The following TTK variants were observed in gnomAD, a reference collection of about 807,000 sequenced individuals.
The protein encoded by TTK is TTK protein kinase.
In TTK, 59 loss-of-function variants were observed where a neutral mutation model predicts 117.3. The observed-to-expected ratio is 0.50, with a 90% CI of 0.41 to 0.62. The LOEUF is 0.62. Ranked by LOEUF, TTK falls within the 20% of genes least tolerant of loss-of-function variation. The pLI, the probability that TTK is intolerant of heterozygous loss-of-function variation, is 0.00. For missense variants in TTK, 921 were observed against 989.4 expected, an observed-to-expected ratio of 0.93 and a Z score of 0.93; for synonymous variants, 302 against 325.0, an observed-to-expected ratio of 0.93 and a Z score of 0.76.
intron 8 of TTK, 48 bp downstream of exon 8, chr6:80,012,028 T>G: frequency 6.7e-7 from 1 of 1,481,830 alleles, no homozygotes; most frequent in Non-Finnish European, 9.1e-7. Context: ...ATGGGAAGAT[T>G]AATGGCAGAA....
intron 6 of TTK, 31 bp from the exon 7 acceptor site, chr6:80,011,698 G>C: frequency 6.2e-7 from 1 of 1,607,894 alleles, no homozygotes; most frequent in Non-Finnish European, 8.5e-7. Context: ...ATTGTTCTTT[G>C]AAAAATTGGG....
intron 13 of TTK, among the ~76,000 whole-genome samples, chr6:80,030,920 C>T (rs1344751305): frequency 6.6e-6 from 1 of 151,682 alleles, no homozygotes; most frequent in Admixed American, 6.6e-5. Context: ...TAGTGGCATG[C>T]CTGTAATCCC....
At chr6:80,011,585 C>CT in intron 6 of TTK, 37 bp downstream of exon 6, 1 of 1,568,156 alleles carries the variant, frequency 6.4e-7, no homozygotes, top group Non-Finnish European at 8.7e-7. Flanking sequence ...TGTTCATCTT[C>CT]TATGTAAGTA....
chr6:80,040,647 G>A lies in TTK; in HGVS notation c.2434G>A (p.Val812Ile), dbSNP rs773730783. The A allele has an allele frequency of 1.9e-6, 3 of 1,611,970 alleles. No individual in the cohort carries two copies. Among genetic ancestry groups the A allele is most frequent in the Non-Finnish European group, 2.5e-6 (3 of 1,178,612 alleles). Residue 812 changes from valine to isoleucine, a missense_variant, in exon 21 of 22, where the codon GTT becomes ATT. By Grantham distance (29) the Val-to-Ile change is conservative (BLOSUM62 3). Transcript: ENST00000369798. ...AKGTTEEMKYVLGQLVGLNSP... is the reference protein window; with the variant it reads ...AKGTTEEMKYILGQLVGLNSP... ...GGGAACCACTGAAGAAATGAAATAT[G>A]TTCTGGGCCAACTTGTTGGTCTGAA...
Position 80,011,800 on chromosome 6 carries a change from A to G in TTK, c.800A>G (p.Gln267Arg). 1 of 1,612,728 alleles carries G rather than the reference A, an allele frequency of 6.2e-7. No individual in the cohort carries two copies. The highest frequency in any genetic ancestry group is 8.5e-7 in the Non-Finnish European group (1 of 1,179,148). ...TTGAGACAAACTAACAAAACTAAAC[A>G]GGTAAGTTACTTTCAATCTGCTTGA... The part of the protein sequence containing the change: ...NSLRQTNKTK[Q>R]SCPFGRVPVN... Residue 267 changes from glutamine (Q) to arginine (R), a missense_variant and splice_region_variant, in exon 7 of 22, where the codon CAG becomes CGG. Gln to Arg is a conservative substitution (Grantham distance 43). Coordinates refer to ENST00000369798, the MANE Select transcript of TTK (RefSeq NM_003318.5).
chr6:80,041,730 T>A (rs1224715562), intron 21 of TTK, among the ~76,000 whole-genome samples: 1 of 150,992 alleles, frequency 6.6e-6, no homozygotes, highest in Non-Finnish European at 1.5e-5. Flanking sequence ...ATTTGTAATG[T>A]CTTCTATTTA....
chr6:80,007,716 A>G, intron 2 of TTK, 93 bp from the exon 3 acceptor site: 1 of 979,944 alleles, frequency 1.0e-6, no homozygotes, highest in Non-Finnish European at 1.5e-6. Flanking sequence ...TGATACTGAC[A>G]GTACAAATGT....
intron 16 of TTK, 54 bp from the exon 17 acceptor site, chr6:80,036,421 G>A: frequency 1.3e-6 from 2 of 1,527,950 alleles, no homozygotes; most frequent in Non-Finnish European, 1.8e-6. Context: ...TGAATTTTTT[G>A]GTCCTTAGAA....
rs747103890 is a variant in TTK at position 80,007,815 on chromosome 6, C to T, written c.146C>T (p.Ser49Leu). The T allele has an allele frequency of 2.5e-6, 4 of 1,607,994 alleles. No individual in the cohort carries two copies. Among genetic ancestry groups the T allele is most frequent in the South Asian group, 2.2e-5 (2 of 90,054 alleles). ...NKISADTTDN[S>L]GTVNQIMMMA... ...TTTTGTTCCCCTTATTTAGATAACT[C>T]GGGAACTGTTAACCAAATTATGATG... The change falls in exon 3 of 22, where the codon TCG becomes TTG. Residue 49 changes from serine to leucine, a missense_variant. Coordinates refer to ENST00000369798, the MANE Select transcript of TTK (RefSeq NM_003318.5).
intron 10 of TTK, among the ~76,000 whole-genome samples, chr6:80,018,698 T>G (rs1474412421): frequency 1.3e-5 from 2 of 152,112 alleles, no homozygotes; most frequent in East Asian, 3.8e-4. Flanking sequence ...CTATGCCTTG[T>G]TATAATTGCT....
In TTK at chr6:80,007,840, G is replaced by A. The variant is rs1767035103; in HGVS notation, c.171G>A (p.Met57Ile). 3.1e-6 allele frequency: 5 copies of A among 1,611,998 alleles called. No homozygotes were observed. Among genetic ancestry groups the A allele is most frequent in the African/African-American group, 2.7e-5 (2 of 74,850 alleles). ...DNSGTVNQIM[M>I]MANNPEDWLS... Reference sequence around the variant, plus strand: ...CGGGAACTGTTAACCAAATTATGATGATGGCAAACAACCCAGAGGACTGGT... The same window carrying A: ...CGGGAACTGTTAACCAAATTATGATAATGGCAAACAACCCAGAGGACTGGT... The change falls in exon 3 of 22, where the codon ATG (methionine) becomes ATA (isoleucine). Residue 57 changes from methionine to isoleucine, a missense_variant. Transcript: ENST00000369798.
chr6:80,019,490 CT>C (rs747377704), intron 10 of TTK, among the ~76,000 whole-genome samples: 47 of 152,286 alleles, frequency 3.1e-4, no homozygotes, highest in Admixed American at 1.0e-3. Context: ...TGAAAGTCCA[CT>C]ACAGGCATTT....
chr6:80,007,634 C>T (rs188093608), intron 2 of TTK, among the ~76,000 whole-genome samples, 175 bp from the exon 3 acceptor site: 10 of 151,828 alleles, frequency 6.6e-5, no homozygotes, highest in Admixed American at 2.0e-4. Context: ...GATAAATACA[C>T]GATAAATAAG....
At chr6:80,020,546 T>C (rs1441169285) in intron 10 of TTK, among the ~76,000 whole-genome samples, 1 of 152,214 alleles carries the variant, frequency 6.6e-6, no homozygotes, top group East Asian at 1.9e-4. Flanking sequence ...TAGTTAAAGA[T>C]TAACCATTTG....
intron 11 of TTK, among the ~76,000 whole-genome samples, chr6:80,025,083 A>G (rs1767570181): frequency 6.6e-6 from 1 of 152,110 alleles, no homozygotes; most frequent in East Asian, 1.9e-4. Context: ...TTCGTGTCTC[A>G]TGACCATTTC....
chr6:80,022,592 T>G, intron 11 of TTK, 120 bp downstream of exon 11: 1 of 1,103,726 alleles, frequency 9.1e-7, no homozygotes, highest in East Asian at 2.7e-5. Flanking sequence ...GAATAGTTTA[T>G]TTAAAGGTTT....
intron 16 of TTK, among the ~76,000 whole-genome samples, chr6:80,035,823 T>C (rs1161924032): frequency 6.6e-6 from 1 of 152,154 alleles, no homozygotes; most frequent in East Asian, 1.9e-4. Flanking sequence ...TGTTTGTTTT[T>C]TACTGTTAGG....
At chr6:80,015,618 G>A (rs1274628515) in intron 10 of TTK, among the ~76,000 whole-genome samples, 1 of 152,084 alleles carries the variant, frequency 6.6e-6, no homozygotes, top group Non-Finnish European at 1.5e-5. Flanking sequence ...TATTCCTAGC[G>A]TTTGGTGGAA....
At chr6:80,024,871 T>G (rs1008556294) in intron 11 of TTK, among the ~76,000 whole-genome samples, 1 of 152,114 alleles carries the variant, frequency 6.6e-6, no homozygotes, top group Non-Finnish European at 1.5e-5. Flanking sequence ...TCCAGACCAT[T>G]TCTTCCTCTT....
Sources: gnomAD v4.1 joint callset for allele counts (sites outside exome capture counted in the v4.1 genomes callset) on GRCh38, gnomAD v4.1.1 for gene constraint, MANE v1.5 for transcripts, NCBI Gene and HGNC (gene_info 2026-07-23, HGNC 2026-07-21) for gene names.